Variants in WDR48 observed in about 807,000 individuals in gnomAD.
WDR48 encodes WD repeat domain 48.
A neutral mutation model predicts 94.0 loss-of-function variants in WDR48; 22 were observed. That is an observed-to-expected ratio of 0.23 (90% CI 0.17 to 0.33). The LOEUF is 0.33. Ranked by LOEUF, WDR48 falls within the 10% of genes least tolerant of loss-of-function variation. The pLI is 1.00. For synonymous variants in WDR48, 278 were observed against 280.5 expected, an observed-to-expected ratio of 0.99 and a Z score of 0.09; for missense variants, 541 against 813.8, an observed-to-expected ratio of 0.66 and a Z score of 4.08.
At chr3:39,080,264 G>A (rs1479397058) in intron 11 of WDR48, among the ~76,000 whole-genome samples, 1 of 152,190 alleles carries the variant, frequency 6.6e-6, no homozygotes, top group Non-Finnish European at 1.5e-5. Context: ...TTTGGAGGGA[G>A]GAAGAATGGT....
intron 10 of WDR48, among the ~76,000 whole-genome samples, 163 bp downstream of exon 10, chr3:39,078,402 T>C (rs2034343217): frequency 6.6e-6 from 1 of 152,036 alleles, no homozygotes; most frequent in African/African-American, 2.4e-5. Context: ...TTTTTTTGTT[T>C]GTTTGTTTTG....
intron 7 of WDR48, among the ~76,000 whole-genome samples, chr3:39,072,922 A>G (rs972653800): frequency 6.6e-6 from 1 of 152,194 alleles, no homozygotes; most frequent in East Asian, 1.9e-4. Context: ...TTACCATCAG[A>G]GATTACTTGG....
In WDR48 at chr3:39,088,118, C is replaced by A; in HGVS notation, c.1475-10C>A. 1 of 1,613,880 alleles carries A rather than the reference C, an allele frequency of 6.2e-7. No individual in the cohort carries two copies. The highest frequency in any genetic ancestry group is 1.7e-5 in the Admixed American group (1 of 60,006). On this transcript the variant is annotated splice_polypyrimidine_tract_variant and intron_variant, in intron 14 of 18. Coordinates refer to ENST00000302313, the MANE Select transcript of WDR48 (RefSeq NM_020839.4). ...ACTCTGATATTAACACCACCTGCATCTTTTCCTAGTAAATGGGGAGCAGGA... is the reference window on the plus strand; with the variant it reads ...ACTCTGATATTAACACCACCTGCATATTTTCCTAGTAAATGGGGAGCAGGA...
chr3:39,085,311 T>C (rs2034756720), intron 13 of WDR48, among the ~76,000 whole-genome samples: 2 of 152,220 alleles, frequency 1.3e-5, no homozygotes, highest in African/African-American at 4.8e-5. Flanking sequence ...CTTTGCTCCA[T>C]AGCATCATTG....
chr3:39,056,637 T>G (rs2032907475), intron 1 of WDR48, among the ~76,000 whole-genome samples: 1 of 152,156 alleles, frequency 6.6e-6, no homozygotes, highest in Non-Finnish European at 1.5e-5. Flanking sequence ...GTGGCAACAT[T>G]GGATGCTAGA....
chr3:39,084,524 A>T, intron 12 of WDR48, 121 bp from the exon 13 acceptor site: 1 of 824,326 alleles, frequency 1.2e-6, no homozygotes, highest in Non-Finnish European at 1.8e-6. Context: ...CACAAAACAC[A>T]TTTTGGTTCC....
In WDR48 at chr3:39,069,491, C is replaced by A. The variant is rs558003060; in HGVS notation, c.571-152C>A. On this transcript the variant is annotated intron_variant, in intron 6 of 18. Transcript: ENST00000302313. The stretch of plus-strand genomic sequence containing the variant: ...TTTGATGTTTGAAAGGCCTAATTCC[C>A]TGAGGTTGGGAGGCTTAGACAGTGT... 5.3e-6 allele frequency: 3 copies of A among 567,332 alleles called. No individual in the cohort carries two copies. The South Asian group carries it at 9.4e-5, about 18-fold the overall frequency. The allele number at this position is 567,332 out of a possible 1,614,324, so 35.1% of individuals were successfully genotyped here.
intron 7 of WDR48, among the ~76,000 whole-genome samples, chr3:39,074,206 A>G (rs1050986839): frequency 1.4e-4 from 21 of 152,206 alleles, no homozygotes; most frequent in African/African-American, 5.1e-4. Flanking sequence ...GGGCTTGTCT[A>G]CAGGATTGAC....
Position 39,093,874 on chromosome 3 carries a change from A to G in WDR48, c.1746A>G (p.Lys582=). Residue 582 remains lysine (K), a splice_region_variant and synonymous_variant, in exon 18 of 19, where the codon AAA becomes AAG. Coordinates refer to ENST00000302313, the MANE Select transcript of WDR48 (RefSeq NM_020839.4). ...ACAATATGCCATTGCTTTTTTACAG[A>G]GATAGACTCTCTGCTAGTGACATGC... ...HASSGAKTLK[K]DRLSASDMLQ... 2 of 1,586,394 alleles carry G rather than the reference A, an allele frequency of 1.3e-6. No homozygotes were observed. The highest frequency in any genetic ancestry group is 1.7e-6 in the Non-Finnish European group (2 of 1,168,700).
chr3:39,063,992 A>G (rs1404582015), intron 2 of WDR48, among the ~76,000 whole-genome samples: 1 of 152,164 alleles, frequency 6.6e-6, no homozygotes, highest in Admixed American at 6.5e-5. Flanking sequence ...TGTTAAAACT[A>G]TGAAGACAAC....
At chr3:39,067,059 A>C (rs1238305102) in intron 5 of WDR48, among the ~76,000 whole-genome samples, 184 bp downstream of exon 5, 1 of 152,212 alleles carries the variant, frequency 6.6e-6, no homozygotes, top group Non-Finnish European at 1.5e-5. Flanking sequence ...TCCTCACTGC[A>C]GTCTAAAAAT....
At chr3:39,092,516 G>C (rs890738383) in intron 17 of WDR48, among the ~76,000 whole-genome samples, 1 of 152,126 alleles carries the variant, frequency 6.6e-6, no homozygotes, top group African/African-American at 2.4e-5. Flanking sequence ...GGGGATATTA[G>C]GAGGTAAATT....
chr3:39,079,023 CCGTCTCA>C (rs2034387457), intron 10 of WDR48, among the ~76,000 whole-genome samples: 1 of 129,792 alleles, frequency 7.7e-6, no homozygotes, highest in African/African-American at 3.2e-5. Flanking sequence ...GAGCGAGACT[CCGTCTCA>C]AAAAAAAAAA....
At chr3:39,066,514 A>G (rs1179317704) in intron 3 of WDR48, 34 bp from the exon 4 acceptor site, 2 of 1,577,508 alleles carry the variant, frequency 1.3e-6, no homozygotes, top group Admixed American at 3.4e-5. Flanking sequence ...AAGTCATACT[A>G]CTAAGGAGTT....
chr3:39,074,673 A>G, intron 7 of WDR48, 53 bp from the exon 8 acceptor site: 1 of 1,592,808 alleles, frequency 6.3e-7, no homozygotes, highest in Non-Finnish European at 8.6e-7. Flanking sequence ...TGCAAAGCAC[A>G]AGAAAGCAGG....
chr3:39,066,986 G>C, intron 5 of WDR48, 111 bp downstream of exon 5: 2 of 1,325,196 alleles, frequency 1.5e-6, no homozygotes, highest in South Asian at 2.8e-5. Flanking sequence ...TTCATATTTT[G>C]AGAGTGCTTC....
chr3:39,055,693 G>A (rs2032832964), intron 1 of WDR48, among the ~76,000 whole-genome samples: 1 of 152,136 alleles, frequency 6.6e-6, no homozygotes, highest in African/African-American at 2.4e-5. Flanking sequence ...CATTTTCTCT[G>A]GTAACCAGGA....
At position 39,091,618 on chromosome 3, in the gene WDR48, G is replaced by T; in HGVS notation, c.1669-7G>T. The T allele has an allele frequency of 6.2e-7, 1 of 1,600,804 alleles. No individual in the cohort carries two copies. ...CTGTTATACCTTTTTAACTTTTACT[G>T]TTTCAGAAAAATATGCCCAAATTCA... On this transcript the variant is annotated splice_polypyrimidine_tract_variant and splice_region_variant and intron_variant, in intron 16 of 18. Coordinates refer to ENST00000302313, the MANE Select transcript of WDR48 (RefSeq NM_020839.4).
chr3:39,088,007 G>T, intron 14 of WDR48, 121 bp from the exon 15 acceptor site: 7 of 846,616 alleles, frequency 8.3e-6, no homozygotes, highest in South Asian at 5.4e-5. Context: ...TCTAACTCTG[G>T]TGGACTTAGA....
Sources: allele counts gnomAD v4.1 joint callset (sites outside exome capture counted in the v4.1 genomes callset), GRCh38; gene constraint gnomAD v4.1.1; transcripts MANE v1.5; gene names NCBI Gene and HGNC (gene_info 2026-07-23, HGNC 2026-07-21).